The following ARHGAP29 variants were observed in gnomAD, a reference collection of about 807,000 sequenced individuals.
The protein encoded by ARHGAP29 is rho GTPase-activating protein 29.
A neutral mutation model predicts 122.6 loss-of-function variants in ARHGAP29; 43 were observed. The observed-to-expected ratio is 0.35, with a 90% CI of 0.27 to 0.45. The LOEUF (loss-of-function observed/expected upper bound fraction) is 0.45, where lower values mean the gene tolerates loss of function less well. ARHGAP29 is among the 20% of genes least tolerant of loss of function. The pLI is 1.00. For synonymous variants in ARHGAP29, 506 were observed against 497.1 expected (o/e 1.02, Z -0.24); for missense variants, 1,303 against 1,477.2 (o/e 0.88, Z 1.93).
At chr1:94,225,644 A>G (rs1652568506) in intron 2 of ARHGAP29, among the ~76,000 whole-genome samples, 1 of 152,120 alleles carries the variant, frequency 6.6e-6, no homozygotes, top group Non-Finnish European at 1.5e-5. Flanking sequence ...GCAGTCATTC[A>G]GGATATGTTT....
intron 3 of ARHGAP29, among the ~76,000 whole-genome samples, chr1:94,216,105 T>C (rs1167882689): frequency 2.0e-5 from 3 of 152,146 alleles, no homozygotes; most frequent in African/African-American, 4.8e-5. Flanking sequence ...GAACCTATAC[T>C]GAAGGCATCT....
At chr1:94,233,447 A>G (rs1653058155) in intron 1 of ARHGAP29, among the ~76,000 whole-genome samples, 1 of 151,994 alleles carries the variant, frequency 6.6e-6, no homozygotes, top group Admixed American at 6.5e-5. Flanking sequence ...GAGCTACTAT[A>G]CTACTTTCCT....
chr1:94,277,938 G>A (rs1230060068), upstream of ARHGAP29, among the ~76,000 whole-genome samples: 1 of 152,214 alleles, frequency 6.6e-6, no homozygotes, highest in Non-Finnish European at 1.5e-5. Context: ...AAGCAAAGGG[G>A]CTAAGTAGTT....
At chr1:94,310,393 G>A in the ARHGAP29 span, among the ~76,000 whole-genome samples, 4 of 152,220 alleles carry the variant, frequency 2.6e-5, no homozygotes, top group African/African-American at 9.6e-5. Context: ...GTAGTGTCCA[G>A]GTGCCACCCT....
At position 94,177,901 on chromosome 1, in the gene ARHGAP29, T is replaced by C; in HGVS notation, c.2747A>G (p.Glu916Gly). 5.0e-6 allele frequency: 8 copies of C among 1,614,084 alleles called. No individual in the cohort carries two copies. The highest frequency in any genetic ancestry group is 5.9e-6 in the Non-Finnish European group (7 of 1,180,010). ...CFPKPLLSPE[E>G]RDIERSMKSL... ...CTTCATGGAACGTTCAATGTCTCTT[T>C]CTTCTGGTGATAACAGAGGCTTTGG... Residue 916 changes from glutamate to glycine, a missense_variant, in exon 21 of 23, where the codon GAA becomes GGA. By Grantham distance (98) the Glu-to-Gly change is moderately conservative (BLOSUM62 -2). This residue lies in a region of ARHGAP29 where 620 missense variants were observed against 651.2 expected (regional missense o/e 0.95). Coordinates refer to ENST00000260526, the MANE Select transcript of ARHGAP29 (RefSeq NM_004815.4).
chr1:94,270,748 T>C (rs78582692), intron 1 of ARHGAP29, among the ~76,000 whole-genome samples: 4,021 of 152,286 alleles, frequency 0.026, 182 homozygotes, highest in African/African-American at 0.092. Flanking sequence ...AAAAAATGGA[T>C]AGCAGCTTCC....
At chr1:94,278,750 C>T (rs770179430), upstream of ARHGAP29, among the ~76,000 whole-genome samples, 1 of 152,154 alleles carries the variant, frequency 6.6e-6, no homozygotes, top group Non-Finnish European at 1.5e-5. Flanking sequence ...GATACATTCA[C>T]ATTAAAATAT....
intron 2 of ARHGAP29, among the ~76,000 whole-genome samples, chr1:94,227,071 A>G (rs984030085): frequency 2.0e-5 from 3 of 151,888 alleles, no homozygotes; most frequent in South Asian, 4.1e-4. Context: ...AAGACTTTGC[A>G]AATTTATGCA....
intron 1 of ARHGAP29, among the ~76,000 whole-genome samples, chr1:94,272,321 T>C (rs1249108017): frequency 6.6e-6 from 1 of 152,208 alleles, no homozygotes; most frequent in Non-Finnish European, 1.5e-5. Context: ...TCTAAGATTC[T>C]CTTCAGGAAG....
chr1:94,202,614 C>A lies in ARHGAP29; in HGVS notation c.1073G>T (p.Gly358Val). The change falls in exon 11 of 23, where the codon GGC becomes GTC. Residue 358 changes from glycine (G) to valine (V), a missense_variant. By Grantham distance (109) the Gly-to-Val change is moderately radical (BLOSUM62 -3). This residue lies in a region of ARHGAP29 where 592 missense variants were observed against 648.2 expected (regional missense o/e 0.91). Coordinates refer to ENST00000260526, the MANE Select transcript of ARHGAP29 (RefSeq NM_004815.4). ...CTTGTTGAGATTTTTTGCTAATCCG[C>A]CACTTGAAGACAGATGCTCCTCTTC... The part of the protein sequence containing the change: ...RAEEEHLSSS[G>V]GLAKNLNKQL... 1 of 1,614,186 alleles carries A rather than the reference C, an allele frequency of 6.2e-7. No individual in the cohort carries two copies. The highest frequency in any genetic ancestry group is 1.7e-5 in the Admixed American group (1 of 60,018).
the ARHGAP29 span, among the ~76,000 whole-genome samples, chr1:94,284,142 G>A: frequency 6.6e-6 from 1 of 151,018 alleles, no homozygotes; most frequent in Admixed American, 6.6e-5. Context: ...GACAGTTTAA[G>A]TGGGTTTTCA....
At chr1:94,206,899 A>T (rs563588766) in intron 5 of ARHGAP29, among the ~76,000 whole-genome samples, 2 of 150,116 alleles carry the variant, frequency 1.3e-5, no homozygotes, top group East Asian at 1.9e-4. Context: ...TGTCTCAAAA[A>T]ATATATATAT....
intron 1 of ARHGAP29, among the ~76,000 whole-genome samples, chr1:94,259,963 T>C (rs1654495193): frequency 6.6e-6 from 1 of 152,188 alleles, no homozygotes; most frequent in Admixed American, 6.5e-5. Context: ...AGAGGAAAAG[T>C]GTCCTCCCTG....
Position 94,231,483 on chromosome 1 carries a change from A to C in ARHGAP29, c.129T>G (p.Asp43Glu). The C allele has an allele frequency of 6.2e-7, 1 of 1,613,746 alleles. No homozygotes were observed. The highest frequency in any genetic ancestry group is 1.1e-5 in the South Asian group (1 of 91,060). ...SLSSNSIFDP[D>E]YIKELVNDIR... ...TATCATTCACCAACTCCTTGATGTA[A>C]TCCGGATCAAAAATAGAGTTGGAAC... The change falls in exon 2 of 23, where the codon GAT (aspartate) becomes GAG (glutamate). Residue 43 changes from aspartate (D) to glutamate (E), a missense_variant. By Grantham distance (45) the Asp-to-Glu change is conservative. Transcript: ENST00000260526.
intron 12 of ARHGAP29, among the ~76,000 whole-genome samples, chr1:94,196,886 G>A (rs1186686547): frequency 6.6e-6 from 1 of 152,100 alleles, no homozygotes; most frequent in Non-Finnish European, 1.5e-5. Context: ...CATAAGCAAT[G>A]CTTAGAGCGG....
chr1:94,182,969 G>A (rs528878930), intron 19 of ARHGAP29, among the ~76,000 whole-genome samples: 2 of 152,150 alleles, frequency 1.3e-5, no homozygotes, highest in South Asian at 4.1e-4. Flanking sequence ...AGCTAGATAA[G>A]GAGGAGTAAG....
intron 1 of ARHGAP29, among the ~76,000 whole-genome samples, chr1:94,246,604 G>C (rs1309875743): frequency 6.6e-6 from 1 of 152,084 alleles, no homozygotes. Context: ...GCCACCCTTG[G>C]TTTTTAAAGA....
Position 94,173,680 on chromosome 1 carries a change from A to G in ARHGAP29, c.*189T>C. The G allele has an allele frequency of 1.6e-6, 1 of 620,374 alleles. No individual in the cohort carries two copies. Among genetic ancestry groups the G allele is most frequent in the Non-Finnish European group, 2.7e-6 (1 of 373,574 alleles). 38.4% of individuals were successfully genotyped at this position (620,374 alleles called of 1,614,324 possible). A position where few individuals can be genotyped will look rare whatever the true frequency, so the allele number is the denominator to read the frequency against. Reference sequence around the variant, plus strand: ...TTAAAGATAATTCCAGTGAGGCACAAATGTGACCCTATCAAAACATTCTAC... The same window carrying G: ...TTAAAGATAATTCCAGTGAGGCACAGATGTGACCCTATCAAAACATTCTAC... On this transcript the variant is annotated 3_prime_UTR_variant, in exon 23 of 23. Coordinates refer to ENST00000260526, the MANE Select transcript of ARHGAP29 (RefSeq NM_004815.4).
chr1:94,188,803 G>A, intron 15 of ARHGAP29, 34 bp downstream of exon 15: 5 of 1,535,502 alleles, frequency 3.3e-6, no homozygotes, highest in Non-Finnish European at 4.5e-6. Context: ...ATCTTTCAAT[G>A]AGTTTTCATT....
Sources: gnomAD v4.1 joint callset for allele counts (sites outside exome capture counted in the v4.1 genomes callset) on GRCh38, gnomAD v4.1.1 for gene constraint, gnomAD v4.1.1 regional missense constraint, MANE v1.5 for transcripts, NCBI Gene and HGNC (gene_info 2026-07-23, HGNC 2026-07-21) for gene names.